TAP2: variants seen among roughly 807,000 people sequenced by gnomAD.
TAP2 encodes transporter 2, ATP binding cassette subfamily B member.
In TAP2, 49 loss-of-function variants were observed where a neutral mutation model predicts 74.7. That is an observed-to-expected ratio of 0.66 (90% CI 0.52 to 0.83). The LOEUF is 0.83. TAP2 is among the 40% of genes least tolerant of loss of function. TAP2 has a pLI of 0.00. For synonymous variants in TAP2, 306 were observed against 368.4 expected, an observed-to-expected ratio of 0.83 and a Z score of 1.94; for missense variants, 739 against 859.0, an observed-to-expected ratio of 0.86 and a Z score of 1.75.
In TAP2 at chr6:32,825,675, C is replaced by T. The variant is rs1768600559; in HGVS notation, c.*3231G>A. 1 of 152,070 alleles carries T rather than the reference C, an allele frequency of 6.6e-6. No individual in the cohort carries two copies. The highest frequency in any genetic ancestry group is 1.5e-5 in the Non-Finnish European group (1 of 68,012). 9.4% of individuals were successfully genotyped at this position (152,070 alleles called of 1,614,324 possible). On this transcript the variant is annotated 3_prime_UTR_variant, in exon 12 of 12. Coordinates refer to ENST00000374897, the MANE Select transcript of TAP2 (RefSeq NM_001290043.2). ...TTTGTGTCTTTTGAATTTCAAACCACATTCATATATTGCTTATTTAAATAA... is the reference window on the plus strand; with the variant it reads ...TTTGTGTCTTTTGAATTTCAAACCATATTCATATATTGCTTATTTAAATAA...
At position 32,826,421 on chromosome 6, in the gene TAP2, AGG is replaced by A. The variant is rs2127347497; in HGVS notation, c.*2483_*2484del. The A allele has an allele frequency of 2.0e-6, 2 of 985,176 alleles. No individual in the cohort carries two copies. The highest frequency in any genetic ancestry group is 9.4e-5 in the South Asian group (2 of 21,292). 61.0% of individuals were successfully genotyped at this position (985,176 alleles called of 1,614,324 possible). On this transcript the variant is annotated 3_prime_UTR_variant, in exon 12 of 12. Transcript: ENST00000374897. ...GTAAGCGACAAGAAGGGGAAATTACAGGGTAAGGAGATCAATCAAATGGTGAT... is the reference window on the plus strand; with the variant it reads ...GTAAGCGACAAGAAGGGGAAATTACAGTAAGGAGATCAATCAAATGGTGAT...
intron 10 of TAP2, 23 bp downstream of exon 10, chr6:32,829,907 A>G (rs241437): frequency 0.4 from 645,831 of 1,612,074 alleles, 131,763 homozygotes; most frequent in East Asian, 0.53. Flanking sequence ...TGAAGGAGCA[A>G]GCTTACAATT....
Position 32,828,675 on chromosome 6 carries a change from G to GCCTCCCCCCCCCCC in TAP2, c.*230_*231insGGGGGGGGGGGAGG. 2.3e-6 allele frequency: 2 copies of GCCTCCCCCCCCCCC among 884,264 alleles called. No individual in the cohort carries two copies. Among genetic ancestry groups the GCCTCCCCCCCCCCC allele is most frequent in the Non-Finnish European group, 2.7e-6 (2 of 735,228 alleles). 54.8% of individuals were successfully genotyped at this position (884,264 alleles called of 1,614,324 possible). A position where few individuals can be genotyped will look rare whatever the true frequency, so the allele number is the denominator to read the frequency against. On this transcript the variant is annotated 3_prime_UTR_variant, in exon 12 of 12. Transcript: ENST00000374897. ...GAATTAAGTTTCCTGGACACAGACA[G>GCCTCCCCCCCCCCC]CCCCCACCCCACCCCACCCCACCTC...
chr6:32,835,620 C>G lies in TAP2; in HGVS notation c.739+23G>C. On this transcript the variant is annotated intron_variant, in intron 4 of 11. Coordinates refer to ENST00000374897, the MANE Select transcript of TAP2 (RefSeq NM_001290043.2). This position sits in a 1 kb window ranked among gnomAD's most constrained non-coding sequence, Gnocchi z 4.0. ...GGGCAAGGGATGTCCATGGGAATCT[C>G]AGACCTGGACTCCAGGCCCCACCTG... The G allele has an allele frequency of 3.7e-6, 6 of 1,613,062 alleles. No homozygotes were observed. Among genetic ancestry groups the G allele is most frequent in the Non-Finnish European group, 5.1e-6 (6 of 1,180,026 alleles).
At position 32,835,467 on chromosome 6, in the gene TAP2, C is replaced by T. The variant is rs1769356216; in HGVS notation, c.740-108G>A. 1 of 1,447,648 alleles carries T rather than the reference C, an allele frequency of 6.9e-7. No individual in the cohort carries two copies. Among genetic ancestry groups the T allele is most frequent in the Non-Finnish European group, 9.6e-7 (1 of 1,043,878 alleles). The allele number at this position is 1,447,648 out of a possible 1,614,324, so 89.7% of individuals were successfully genotyped here. A position where few individuals can be genotyped will look rare whatever the true frequency, so the allele number is the denominator to read the frequency against. On this transcript the variant is annotated intron_variant, in intron 4 of 11. Coordinates refer to ENST00000374897, the MANE Select transcript of TAP2 (RefSeq NM_001290043.2). The surrounding 1 kb of genome is among the most constrained non-coding windows in gnomAD (Gnocchi z 4.0). ...TGACACAGCCCCCTCCTCTGAACAT[C>T]CTCCTTCACTTGCAGAGGGACAGTG...
chr6:32,837,553 G>C lies in TAP2; in HGVS notation c.592C>G (p.Leu198Val). Reference protein sequence around the residue: ...AFASAIFFMCLFSFGSSLSAG... With the variant: ...AFASAIFFMCVFSFGSSLSAG... ...ACCACCTACCTGCCAAAGGAGAAGA[G>C]GCACATGAAGAAGATGGCACTGGCA... The change falls in exon 3 of 12, where the codon CTC becomes GTC. Residue 198 changes from leucine to valine, a missense_variant. Coordinates refer to ENST00000374897, the MANE Select transcript of TAP2 (RefSeq NM_001290043.2). The C allele has an allele frequency of 6.2e-7, 1 of 1,614,040 alleles. No individual in the cohort carries two copies. The highest frequency in any genetic ancestry group is 1.1e-5 in the South Asian group (1 of 91,082).
Position 32,826,180 on chromosome 6 carries a change from T to C in TAP2, c.*2726A>G, listed in dbSNP as rs6905122. 28,759 of 985,336 alleles carry C rather than the reference T, an allele frequency of 0.029. 1,111 individuals carry two copies. Among genetic ancestry groups the C allele is most frequent in the African/African-American group, 0.18 (10,225 of 57,284 alleles). 61.0% of individuals were successfully genotyped at this position (985,336 alleles called of 1,614,324 possible). On this transcript the variant is annotated 3_prime_UTR_variant, in exon 12 of 12. Coordinates refer to ENST00000374897, the MANE Select transcript of TAP2 (RefSeq NM_001290043.2). ...TTCTGACAATTACGCATTTCCTGCT[T>C]GTTTCACAATTGCCATGTGGATTAC... is the stretch of plus-strand genomic sequence containing the variant.
intron 7 of TAP2, among the ~76,000 whole-genome samples, chr6:32,831,293 T>C (rs1769062182): frequency 6.6e-6 from 1 of 152,248 alleles, no homozygotes; most frequent in Non-Finnish European, 1.5e-5. Context: ...AAATGCTCAC[T>C]CTGCCTTTCC....
intron 5 of TAP2, among the ~76,000 whole-genome samples, chr6:32,834,934 T>G (rs1393937789): frequency 6.6e-6 from 1 of 150,420 alleles, no homozygotes; most frequent in Non-Finnish European, 1.5e-5. Context: ...CACTTTACAT[T>G]TTTGTTTACA....
chr6:32,829,326 A>G, intron 11 of TAP2, 74 bp downstream of exon 11: 1 of 1,549,524 alleles, frequency 6.5e-7, no homozygotes. Context: ...CCCTCTGCCC[A>G]ATTCTGCACA....
chr6:32,836,910 T>C (rs17583244), intron 3 of TAP2, among the ~76,000 whole-genome samples: 8,017 of 152,274 alleles, frequency 0.053, 268 homozygotes, highest in South Asian at 0.097. Context: ...CGGCTGGGAT[T>C]TGGGTAAGGT....
intron 10 of TAP2, 128 bp downstream of exon 10, chr6:32,829,802 G>A (rs1002158995): frequency 2.7e-5 from 35 of 1,311,146 alleles, no homozygotes; most frequent in Admixed American, 2.0e-4. Flanking sequence ...GGAAGGAGAC[G>A]TAGGAATGGA....
chr6:32,828,560 T>C lies in TAP2; in HGVS notation c.*346A>G. On this transcript the variant is annotated 3_prime_UTR_variant, in exon 12 of 12. Transcript: ENST00000374897. ...TGTCTAAATTTTCTATATGAATGTA[T>C]ACAGTTCATGTAAGAAGGAAAATAT... The C allele has an allele frequency of 1.0e-6, 1 of 1,004,936 alleles. No individual in the cohort carries two copies. The highest frequency in any genetic ancestry group is 1.2e-6 in the Non-Finnish European group (1 of 839,070). 62.3% of individuals were successfully genotyped at this position (1,004,936 alleles called of 1,614,324 possible).
In TAP2 at chr6:32,835,679, G is replaced by A. The variant is rs145890763; in HGVS notation, c.703C>T (p.Arg235Cys). The A allele has an allele frequency of 8.8e-5, 142 of 1,613,084 alleles. 1 individual carries two copies. Among genetic ancestry groups the A allele is most frequent in the African/African-American group, 6.7e-4 (50 of 75,028 alleles). Residue 235 changes from arginine to cysteine, a missense_variant, in exon 4 of 12, where the codon CGC (arginine) becomes TGC (cysteine). Physicochemically the swap from Arg to Cys is radical, Grantham distance 180. Transcript: ENST00000374897. The surrounding 1 kb of genome is among the most constrained non-coding windows in gnomAD (Gnocchi z 4.0). ...IREQLFSSLL[R>C]QDLGFFQETK... Reference sequence around the variant, plus strand: ...TCCTGGAAGAAACCGAGGTCCTGGCGCAGCAGGGAGGAGAAAAGCTGCTCC... The same window carrying A: ...TCCTGGAAGAAACCGAGGTCCTGGCACAGCAGGGAGGAGAAAAGCTGCTCC...
chr6:32,837,969 C>A lies in TAP2; in HGVS notation c.265G>T (p.Ala89Ser). 1 of 1,612,658 alleles carries A rather than the reference C, an allele frequency of 6.2e-7. No individual in the cohort carries two copies. Among genetic ancestry groups the A allele is most frequent in the Non-Finnish European group, 8.5e-7 (1 of 1,179,878 alleles). The change falls in exon 2 of 12, where the codon GCT becomes TCT. Residue 89 changes from alanine to serine, a missense_variant. Physicochemically the swap from Ala to Ser is moderately conservative, Grantham distance 99 (BLOSUM62 1). Coordinates refer to ENST00000374897, the MANE Select transcript of TAP2 (RefSeq NM_001290043.2). ...GCTGAAGCGACTCTGGCTGGGGGAG[C>A]ACGTGAGGCCCCCGCGACCAGGGCT... Reference protein sequence around the residue: ...LRALVAGASRAPPARVASAPW... With the variant: ...LRALVAGASRSPPARVASAPW...
Position 32,838,250 on chromosome 6 carries a change from A to G in TAP2, c.-4-13T>C. 1.3e-6 allele frequency: 2 copies of G among 1,542,608 alleles called. No homozygotes were observed. The highest frequency in any genetic ancestry group is 1.7e-6 in the Non-Finnish European group (2 of 1,149,868). On this transcript the variant is annotated splice_polypyrimidine_tract_variant and intron_variant, in intron 1 of 11. Transcript: ENST00000374897. ...GAGCCGCATGGCTCTGTCAACGGATACGAGATGAGAAATCATGGGGGTGGA... is the reference window on the plus strand; with the variant it reads ...GAGCCGCATGGCTCTGTCAACGGATGCGAGATGAGAAATCATGGGGGTGGA...
Position 32,830,069 on chromosome 6 carries a change from C to G in TAP2, c.1656G>C (p.Glu552Asp). The change falls in exon 10 of 12, where the codon GAG (glutamate) becomes GAC (aspartate). Residue 552 changes from glutamate (E) to aspartate (D), a missense_variant. By Grantham distance (45) the Glu-to-Asp change is conservative. Coordinates refer to ENST00000374897, the MANE Select transcript of TAP2 (RefSeq NM_001290043.2). ...TCACAGAACCGGAGAACAGCACAGG[C>G]TCCTGCCCAACTGAAACCACCTGTG... is the stretch of plus-strand genomic sequence containing the variant. ...LHSQVVSVGQEPVLFSGSVRN... is the reference protein window; with the variant it reads ...LHSQVVSVGQDPVLFSGSVRN... The G allele has an allele frequency of 6.2e-7, 1 of 1,613,082 alleles. No homozygotes were observed. Among genetic ancestry groups the G allele is most frequent in the East Asian group, 2.2e-5 (1 of 44,892 alleles).
chr6:32,828,274 A>G lies in TAP2; in HGVS notation c.*632T>C. 1.0e-6 allele frequency: 1 copy of G among 985,174 alleles called. No individual in the cohort carries two copies. The highest frequency in any genetic ancestry group is 1.2e-6 in the Non-Finnish European group (1 of 829,686). 61.0% of individuals were successfully genotyped at this position (985,174 alleles called of 1,614,324 possible). A position where few individuals can be genotyped will look rare whatever the true frequency, so the allele number is the denominator to read the frequency against. On this transcript the variant is annotated 3_prime_UTR_variant, in exon 12 of 12. Coordinates refer to ENST00000374897, the MANE Select transcript of TAP2 (RefSeq NM_001290043.2). ...AACTCTATAAATGGTAGCTGTTACCAATGTCGCTATTAATACTGTTAATCA... is the reference window on the plus strand; with the variant it reads ...AACTCTATAAATGGTAGCTGTTACCGATGTCGCTATTAATACTGTTAATCA...
chr6:32,835,072 G>T lies in TAP2; in HGVS notation c.945+82C>A, dbSNP rs527260094. The stretch of plus-strand genomic sequence containing the variant: ...TGAGAAGAGAACATCTCTCTCTAGG[G>T]GATCCTCTAGCCACAAATGTGGAAG... On this transcript the variant is annotated intron_variant, in intron 5 of 11. Transcript: ENST00000374897. This position sits in a 1 kb window ranked among gnomAD's most constrained non-coding sequence, Gnocchi z 4.0. 4.9e-6 allele frequency: 7 copies of T among 1,416,996 alleles called. No individual in the cohort carries two copies. The highest frequency in any genetic ancestry group is 4.2e-5 in the African/African-American group (3 of 70,828). The allele number at this position is 1,416,996 out of a possible 1,614,324, so 87.8% of individuals were successfully genotyped here.
Sources: allele counts gnomAD v4.1 joint callset (sites outside exome capture counted in the v4.1 genomes callset), GRCh38; gene constraint gnomAD v4.1.1; non-coding constraint Gnocchi (gnomAD v3.1); transcripts MANE v1.5; gene names NCBI Gene and HGNC (gene_info 2026-07-23, HGNC 2026-07-21).